The following WFDC13 variants were observed in gnomAD, a reference collection of about 807,000 sequenced individuals.
The protein encoded by WFDC13 is WAP four-disulfide core domain 13.
In WFDC13, 6 loss-of-function variants were observed where a neutral mutation model predicts 10.9. That is an observed-to-expected ratio of 0.55 (90% CI 0.30 to 1.09). The LOEUF (loss-of-function observed/expected upper bound fraction) is 1.09. Ranked by LOEUF, WFDC13 falls within the 50% of genes least tolerant of loss-of-function variation. The pLI, the probability that WFDC13 is intolerant of heterozygous loss-of-function variation, is 0.06. For synonymous variants in WFDC13, 38 were observed against 39.5 expected (o/e 0.96, Z 0.14); for missense variants, 104 against 109.6 (o/e 0.95, Z 0.23).
Position 45,702,216 on chromosome 20 carries a change from G to C in WFDC13, c.88+5G>C, listed in dbSNP as rs1984191751. ...GTCCCAAGCAGCGTGTTCTGAGTAG[G>C]TGCTGGATCTGGGCCCAAGGAGGGA... On this transcript the variant is annotated splice_donor_5th_base_variant and intron_variant, in intron 1 of 3. Coordinates refer to ENST00000305479, the MANE Select transcript of WFDC13 (RefSeq NM_172005.2). 2.5e-6 allele frequency: 4 copies of C among 1,610,668 alleles called. No individual in the cohort carries two copies. The highest frequency in any genetic ancestry group is 2.5e-6 in the Non-Finnish European group (3 of 1,178,564).
In WFDC13 at chr20:45,708,776, ATTTC is replaced by A. The variant is rs1984498844; in HGVS notation, c.*945_*948del. On this transcript the variant is annotated 3_prime_UTR_variant, in exon 4 of 4. Coordinates refer to ENST00000305479, the MANE Select transcript of WFDC13 (RefSeq NM_172005.2). ...TTTGTTAAGTTTGTAATTTGTTGCA[ATTTC>A]TTTTTCATTTCAAATAAATATTCAC... 6.6e-6 allele frequency: 1 copy of A among 152,110 alleles called. No individual in the cohort carries two copies. The highest frequency in any genetic ancestry group is 1.5e-5 in the Non-Finnish European group (1 of 68,018). 9.4% of individuals were successfully genotyped at this position (152,110 alleles called of 1,614,324 possible). A position where few individuals can be genotyped will look rare whatever the true frequency, so the allele number is the denominator to read the frequency against.
Position 45,705,920 on chromosome 20 carries a change from A to G in WFDC13, c.*15A>G. The G allele has an allele frequency of 6.2e-7, 1 of 1,613,946 alleles. No homozygotes were observed. The highest frequency in any genetic ancestry group is 8.5e-7 in the Non-Finnish European group (1 of 1,179,892). On this transcript the variant is annotated 3_prime_UTR_variant, in exon 3 of 4. Transcript: ENST00000305479. ...CTGCCAACTGAGGCATATTTCCTAG[A>G]TCATTTTGTAAGTACAGGGATTTGG...
Position 45,702,040 on chromosome 20 carries a change from C to T in WFDC13, c.-84C>T. The T allele has an allele frequency of 7.3e-7, 1 of 1,364,050 alleles. No homozygotes were observed. Among genetic ancestry groups the T allele is most frequent in the Non-Finnish European group, 1.0e-6 (1 of 981,822 alleles). The allele number at this position is 1,364,050 out of a possible 1,614,324, so 84.5% of individuals were successfully genotyped here. ...TCACACTGGGCCTCCACTTTGCCCTCTTTCCTTCTCTTCTCCTCACAGCAG... is the reference window on the plus strand; with the variant it reads ...TCACACTGGGCCTCCACTTTGCCCTTTTTCCTTCTCTTCTCCTCACAGCAG... On this transcript the variant is annotated 5_prime_UTR_variant, in exon 1 of 4. Transcript: ENST00000305479.
chr20:45,707,210 CTTTGTCT>C lies in WFDC13; in HGVS notation c.*23-642_*23-636del, dbSNP rs568603298. Among the ~76,000 whole-genome samples the C allele has an allele frequency of 2.4e-4, 37 of 152,314 alleles. No homozygotes were observed. The South Asian group carries it at 7.7e-3, about 32-fold the overall frequency. ...CACTCCAGACAGAATTAGTCCCTCT[CTTTGTCT>C]TTTGTAGTGTCCTATCTTTGGCCTA... On this transcript the variant is annotated intron_variant, in intron 3 of 3. Transcript: ENST00000305479.
chr20:45,708,372 A>G lies in WFDC13; in HGVS notation c.*537A>G, dbSNP rs1256168758. 16 of 152,150 alleles carry G rather than the reference A, an allele frequency of 1.1e-4. No individual in the cohort carries two copies. The highest frequency in any genetic ancestry group is 2.9e-5 in the Non-Finnish European group (2 of 68,134). The allele number at this position is 152,150 out of a possible 1,614,324, so 9.4% of individuals were successfully genotyped here. ...TGATAGAGTTGGATCAGTGACTAAGAGGCTGCAATAAGGTGCCATGAAATC... is the reference window on the plus strand; with the variant it reads ...TGATAGAGTTGGATCAGTGACTAAGGGGCTGCAATAAGGTGCCATGAAATC... On this transcript the variant is annotated 3_prime_UTR_variant, in exon 4 of 4. Coordinates refer to ENST00000305479, the MANE Select transcript of WFDC13 (RefSeq NM_172005.2).
chr20:45,705,074 G>T, intron 2 of WFDC13: 1 of 1,352,986 alleles, frequency 7.4e-7, no homozygotes, highest in Non-Finnish European at 1.1e-6. Context: ...AACACTAGCC[G>T]CAAGCCTGCT....
Position 45,702,064 on chromosome 20 carries a change from A to G in WFDC13, c.-60A>G. On this transcript the variant is annotated 5_prime_UTR_variant, in exon 1 of 4. Transcript: ENST00000305479. ...TCTTTCCTTCTCTTCTCCTCACAGC[A>G]GTGCCTGGTCAAACCCAGCAACCCT... 1 of 1,512,380 alleles carries G rather than the reference A, an allele frequency of 6.6e-7. No homozygotes were observed. Among genetic ancestry groups the G allele is most frequent in the Non-Finnish European group, 9.1e-7 (1 of 1,103,512 alleles). The allele number at this position is 1,512,380 out of a possible 1,614,324, so 93.7% of individuals were successfully genotyped here. A position where few individuals can be genotyped will look rare whatever the true frequency, so the allele number is the denominator to read the frequency against.
Position 45,705,945 on chromosome 20 carries a change from G to A in WFDC13, c.*22+18G>A. On this transcript the variant is annotated intron_variant, in intron 3 of 3. Transcript: ENST00000305479. ...ATCATTTTGTAAGTACAGGGATTTG[G>A]TCTCGCCTTCCTCATGTGAGATTCC... The A allele has an allele frequency of 1.2e-6, 2 of 1,608,614 alleles. No homozygotes were observed. Among genetic ancestry groups the A allele is most frequent in the Non-Finnish European group, 1.7e-6 (2 of 1,175,528 alleles).
chr20:45,704,166 A>G (rs918288500), intron 1 of WFDC13, among the ~76,000 whole-genome samples: 7 of 152,208 alleles, frequency 4.6e-5, no homozygotes, highest in East Asian at 1.9e-4. Context: ...ACCATAGTCA[A>G]TGGGGGCTTG....
In WFDC13 at chr20:45,705,382, T is replaced by C. The variant is rs79503860; in HGVS notation, c.240-481T>C. ...CATGAGCAGAATACCCAGCATGAGA[T>C]AATGTGCAGAGTGATTAAGCATGGG... On this transcript the variant is annotated intron_variant, in intron 2 of 3. Transcript: ENST00000305479. 6.9e-3 allele frequency among the ~76,000 whole-genome samples: 1,048 copies of C among 152,302 alleles called. 15 individuals carry two copies. Among genetic ancestry groups the C allele is most frequent in the African/African-American group, 0.024 (1,002 of 41,558 alleles).
At chr20:45,706,548 C>T (rs188399802) in intron 3 of WFDC13, among the ~76,000 whole-genome samples, 19 of 151,466 alleles carry the variant, frequency 1.3e-4, no homozygotes, top group South Asian at 4.2e-4. Flanking sequence ...CCAAGGTGGA[C>T]GGATCACGAG....
chr20:45,705,348 A>G (rs1421328090), intron 2 of WFDC13, among the ~76,000 whole-genome samples: 1 of 152,206 alleles, frequency 6.6e-6, no homozygotes, highest in Non-Finnish European at 1.5e-5. Context: ...TCCCTGCTGT[A>G]TTCCCTACCA....
chr20:45,704,850 C>T (rs1600969286), intron 2 of WFDC13: 1 of 1,524,446 alleles, frequency 6.6e-7, no homozygotes, highest in Non-Finnish European at 9.1e-7. Flanking sequence ...CTGAACACAC[C>T]CACAAATGCC....
intron 1 of WFDC13, 94 bp from the exon 2 acceptor site, chr20:45,704,350 G>T: frequency 6.7e-7 from 1 of 1,496,516 alleles, no homozygotes. Context: ...AGATGAGGGT[G>T]GCAGGTTTCC....
chr20:45,702,061 A>T lies in WFDC13; in HGVS notation c.-63A>T, dbSNP rs770928423. The T allele has an allele frequency of 3.5e-5, 53 of 1,500,620 alleles. No individual in the cohort carries two copies. The highest frequency in any genetic ancestry group is 4.8e-5 in the Non-Finnish European group (52 of 1,094,470). The allele number at this position is 1,500,620 out of a possible 1,614,324, so 93.0% of individuals were successfully genotyped here. A position where few individuals can be genotyped will look rare whatever the true frequency, so the allele number is the denominator to read the frequency against. The stretch of plus-strand genomic sequence containing the variant: ...CCCTCTTTCCTTCTCTTCTCCTCAC[A>T]GCAGTGCCTGGTCAAACCCAGCAAC... On this transcript the variant is annotated 5_prime_UTR_variant, in exon 1 of 4. Coordinates refer to ENST00000305479, the MANE Select transcript of WFDC13 (RefSeq NM_172005.2).
rs566363130 is a variant in WFDC13 at position 45,707,870 on chromosome 20, T to A, written c.*35T>A. On this transcript the variant is annotated 3_prime_UTR_variant, in exon 4 of 4. Transcript: ENST00000305479. The stretch of plus-strand genomic sequence containing the variant: ...TCCTTCCCCACAGGCCTCTACGATG[T>A]TTTTTCTTGGTCCACCTTTAGGAAG... The A allele has an allele frequency of 1.3e-5, 2 of 152,350 alleles. No individual in the cohort carries two copies. The highest frequency in any genetic ancestry group is 3.9e-4 in the East Asian group (2 of 5,190). The allele number at this position is 152,350 out of a possible 1,614,324, so 9.4% of individuals were successfully genotyped here.
intron 2 of WFDC13, chr20:45,705,066 C>G (rs752781322): frequency 1.4e-6 from 2 of 1,432,322 alleles, no homozygotes; most frequent in Non-Finnish European, 2.0e-6. Context: ...CAGACATTAA[C>G]ACTAGCCGCA....
Position 45,702,150 on chromosome 20 carries a change from C to G in WFDC13, c.27C>G (p.Phe9Leu). 6.2e-7 allele frequency: 1 copy of G among 1,613,474 alleles called. No homozygotes were observed. Among genetic ancestry groups the G allele is most frequent in the South Asian group, 1.1e-5 (1 of 90,814 alleles). ...TGAAGCCTGTGCTGCCTCTCCAGTT[C>G]CTGGTGGTGTTCTGCCTAGCACTGC... MKPVLPLQ[F>L]LVVFCLALQL... The change falls in exon 1 of 4, where the codon TTC (phenylalanine) becomes TTG (leucine). Residue 9 changes from phenylalanine to leucine, a missense_variant. Coordinates refer to ENST00000305479, the MANE Select transcript of WFDC13 (RefSeq NM_172005.2).
intron 3 of WFDC13, 128 bp downstream of exon 3, chr20:45,706,055 C>T (rs1229541166): frequency 2.7e-6 from 2 of 754,632 alleles, no homozygotes; most frequent in Non-Finnish European, 4.4e-6. Flanking sequence ...ACCTGATTGC[C>T]TCCTCCTCCA....
Sources: allele counts gnomAD v4.1 joint callset (sites outside exome capture counted in the v4.1 genomes callset), GRCh38; gene constraint gnomAD v4.1.1; transcripts MANE v1.5; gene names NCBI Gene and HGNC (gene_info 2026-07-23, HGNC 2026-07-21).